CCSER1: variants seen among roughly 807,000 people sequenced by gnomAD.
CCSER1 encodes coiled-coil serine rich protein 1.
Under a neutral mutation model 82.0 loss-of-function variants are expected in CCSER1, and 41 were observed. The ratio of observed to expected loss-of-function variants is 0.50; its 90% CI spans 0.39 to 0.65. The LOEUF (loss-of-function observed/expected upper bound fraction) is 0.65. Ranked by LOEUF, CCSER1 falls within the 30% of genes least tolerant of loss-of-function variation. The pLI is 0.00. For missense variants in CCSER1, 1,119 were observed against 1,064.2 expected (o/e 1.05, Z -0.72); for synonymous variants, 414 against 383.9 (o/e 1.08, Z -0.92).
chr4:90,409,827 C>T (rs1560472534), intron 4 of CCSER1, among the ~76,000 whole-genome samples: 1 of 152,132 alleles, frequency 6.6e-6, no homozygotes, highest in East Asian at 1.9e-4. Context: ...TTAAAAGGCA[C>T]AGACTAGCAA....
At chr4:90,983,663 C>T (rs76727749) in intron 9 of CCSER1, among the ~76,000 whole-genome samples, 2,792 of 151,668 alleles carry the variant, frequency 0.018, 51 homozygotes, top group Non-Finnish European at 0.03. Flanking sequence ...TATCAAAAAA[C>T]AAAACAAAAA....
chr4:91,152,869 A>G (rs1348561261), intron 10 of CCSER1, among the ~76,000 whole-genome samples: 1 of 151,942 alleles, frequency 6.6e-6, no homozygotes, highest in African/African-American at 2.4e-5. Flanking sequence ...TGGCTTGTAG[A>G]GTTTCTGCCG....
At chr4:91,409,416 T>A (rs1752894674) in intron 10 of CCSER1, among the ~76,000 whole-genome samples, 1 of 152,192 alleles carries the variant, frequency 6.6e-6, no homozygotes, top group Non-Finnish European at 1.5e-5. Context: ...CCAGTGACAC[T>A]TAATTTTATA....
intron 1 of CCSER1, among the ~76,000 whole-genome samples, chr4:90,167,111 A>T (rs532590389): frequency 7.2e-5 from 11 of 152,184 alleles, no homozygotes; most frequent in African/African-American, 2.6e-4. Flanking sequence ...TCAGCAATGT[A>T]ATTTTGGATT....
At chr4:91,081,902 T>G (rs1722801950) in intron 9 of CCSER1, among the ~76,000 whole-genome samples, 1 of 152,006 alleles carries the variant, frequency 6.6e-6, no homozygotes, top group Non-Finnish European at 1.5e-5. Flanking sequence ...CACTGCTCAA[T>G]GAAACAAAAG....
At chr4:90,480,986 G>A (rs1252366620) in intron 5 of CCSER1, among the ~76,000 whole-genome samples, 7 of 152,110 alleles carry the variant, frequency 4.6e-5, no homozygotes, top group African/African-American at 1.2e-4. Flanking sequence ...CCATTTTCAC[G>A]ATATTGATTC....
At chr4:91,559,360 C>G (rs973417852) in intron 10 of CCSER1, among the ~76,000 whole-genome samples, 1 of 151,508 alleles carries the variant, frequency 6.6e-6, no homozygotes, top group Admixed American at 6.6e-5. Flanking sequence ...ATAATTGGCT[C>G]CACACCTTCA....
chr4:91,329,919 T>C (rs1746830499), intron 10 of CCSER1, among the ~76,000 whole-genome samples: 1 of 152,180 alleles, frequency 6.6e-6, no homozygotes, highest in South Asian at 2.1e-4. Flanking sequence ...TTTGCTACTT[T>C]TATTAGTCAT....
chr4:90,578,799 G>C (rs1028917180), intron 5 of CCSER1, among the ~76,000 whole-genome samples: 8 of 151,970 alleles, frequency 5.3e-5, no homozygotes, highest in African/African-American at 1.9e-4. Context: ...ATCAATAAAT[G>C]GATACTTGCT....
At chr4:90,219,855 T>C (rs539799663) in intron 1 of CCSER1, among the ~76,000 whole-genome samples, 1 of 152,324 alleles carries the variant, frequency 6.6e-6, no homozygotes, top group South Asian at 2.1e-4. Context: ...AGATTGCTTC[T>C]ATAAATTAGG....
intron 10 of CCSER1, among the ~76,000 whole-genome samples, chr4:91,175,246 A>G (rs1733205305): frequency 6.6e-6 from 1 of 152,136 alleles, no homozygotes; most frequent in Non-Finnish European, 1.5e-5. Flanking sequence ...GGTTGGTTCC[A>G]GGTCTTTGCT....
intron 6 of CCSER1, among the ~76,000 whole-genome samples, chr4:90,647,761 T>A (rs4693243): frequency 5.3e-5 from 8 of 151,914 alleles, no homozygotes; most frequent in Admixed American, 5.2e-4. Context: ...CATTTGTTTA[T>A]GATAAGTTTA....
At chr4:90,149,335 T>C (rs1726384616) in intron 1 of CCSER1, among the ~76,000 whole-genome samples, 1 of 152,182 alleles carries the variant, frequency 6.6e-6, no homozygotes, top group East Asian at 1.9e-4. Context: ...ACCAAAGTTT[T>C]GTTCATGAAC....
intron 10 of CCSER1, among the ~76,000 whole-genome samples, chr4:91,380,660 T>G (rs748877696): frequency 6.6e-6 from 1 of 152,216 alleles, no homozygotes; most frequent in Non-Finnish European, 1.5e-5. Flanking sequence ...GAGATGGATC[T>G]CCTGAATACA....
intron 8 of CCSER1, among the ~76,000 whole-genome samples, chr4:90,840,991 A>G (rs34753760): frequency 0.27 from 41,330 of 152,028 alleles, 5,973 homozygotes; most frequent in Middle Eastern, 0.33. Flanking sequence ...TACAGCTCTA[A>G]AACACCATGC....
At chr4:90,250,708 T>A (rs1453489641) in intron 1 of CCSER1, among the ~76,000 whole-genome samples, 1 of 152,080 alleles carries the variant, frequency 6.6e-6, no homozygotes. Context: ...CATTTTCATA[T>A]GAAATTTAGC....
At chr4:91,352,316 C>T (rs532130811) in intron 10 of CCSER1, among the ~76,000 whole-genome samples, 24 of 152,202 alleles carry the variant, frequency 1.6e-4, no homozygotes, top group South Asian at 4.1e-4. Context: ...GCGCGATCTC[C>T]GCTCGCTACA....
chr4:90,257,270 A>G (rs1723498305), intron 1 of CCSER1, among the ~76,000 whole-genome samples: 1 of 152,132 alleles, frequency 6.6e-6, no homozygotes, highest in African/African-American at 2.4e-5. Flanking sequence ...GCTATTCATT[A>G]TCAAATACTA....
At chr4:90,451,219 A>G (rs1761408900) in intron 4 of CCSER1, among the ~76,000 whole-genome samples, 1 of 152,112 alleles carries the variant, frequency 6.6e-6, no homozygotes, top group South Asian at 2.1e-4. Flanking sequence ...GTGAGGAATT[A>G]TTTCATTAAT....
Sources: allele counts gnomAD v4.1 joint callset (sites outside exome capture counted in the v4.1 genomes callset), GRCh38; gene constraint gnomAD v4.1.1; transcripts MANE v1.5; gene names NCBI Gene and HGNC (gene_info 2026-07-23, HGNC 2026-07-21).